KCNH5: variants seen among roughly 807,000 people sequenced by gnomAD.
KCNH5 encodes the protein potassium voltage-gated channel subfamily H member 5.
Under a neutral mutation model 96.1 loss-of-function variants are expected in KCNH5, and 46 were observed. That is an observed-to-expected ratio of 0.48 (90% confidence interval 0.38 to 0.61). KCNH5 has a LOEUF of 0.61. KCNH5 is among the 20% of genes least tolerant of loss of function. The pLI is 0.00. For synonymous variants in KCNH5, 439 were observed against 449.8 expected (o/e 0.98, Z 0.30); for missense variants, 907 against 1,225.8 (o/e 0.74, Z 3.88).
At chr14:62,902,778 G>T (rs1888953781) in intron 7 of KCNH5, among the ~76,000 whole-genome samples, 1 of 151,320 alleles carries the variant, frequency 6.6e-6, no homozygotes, top group Non-Finnish European at 1.5e-5. Flanking sequence ...GGAGTGCAAT[G>T]GCACGATCTC....
chr14:62,998,272 C>T (rs1263245778), intron 4 of KCNH5, among the ~76,000 whole-genome samples: 3 of 152,112 alleles, frequency 2.0e-5, no homozygotes, highest in Admixed American at 1.3e-4. Flanking sequence ...TAGAGTTGTT[C>T]GCAGTAGCCC....
At chr14:62,906,541 A>G (rs991638840) in intron 7 of KCNH5, among the ~76,000 whole-genome samples, 17 of 152,216 alleles carry the variant, frequency 1.1e-4, no homozygotes, top group African/African-American at 3.1e-4. Context: ...TTCCTTTAAA[A>G]AAAAGGTCAG....
At position 62,775,317 on chromosome 14, in the gene KCNH5, C is replaced by T. The variant is rs149544954; in HGVS notation, c.2019+4411G>A. Among the ~76,000 whole-genome samples, 78 of 152,272 alleles carry T rather than the reference C, an allele frequency of 5.1e-4. 1 individual carries two copies. Among genetic ancestry groups the T allele is most frequent in the African/African-American group, 1.8e-3 (74 of 41,568 alleles). On this transcript the variant is annotated intron_variant, in intron 10 of 10. Coordinates refer to ENST00000322893, the MANE Select transcript of KCNH5 (RefSeq NM_139318.5). ...AGACCAGGAGTTCATTAACTGATTC[C>T]ATTTAGATCATGAGCTGTTGAACCA...
At chr14:62,897,980 T>G (rs1426780069) in intron 7 of KCNH5, among the ~76,000 whole-genome samples, 1 of 152,180 alleles carries the variant, frequency 6.6e-6, no homozygotes, top group East Asian at 1.9e-4. Context: ...TCTCATTTAA[T>G]GAAACTCATG....
intron 7 of KCNH5, among the ~76,000 whole-genome samples, chr14:62,863,978 A>T (rs1888085897): frequency 6.6e-6 from 1 of 152,130 alleles, no homozygotes; most frequent in Non-Finnish European, 1.5e-5. Context: ...TTACATCCCA[A>T]AGTATGGTCT....
chr14:62,844,509 T>G (rs1349088039), intron 8 of KCNH5, among the ~76,000 whole-genome samples: 15 of 152,192 alleles, frequency 9.9e-5, no homozygotes. Flanking sequence ...CATAATCTCC[T>G]CTTCCCCTTT....
chr14:62,977,755 G>A (rs1890528776), intron 6 of KCNH5, among the ~76,000 whole-genome samples: 1 of 152,220 alleles, frequency 6.6e-6, no homozygotes, highest in South Asian at 2.1e-4. Context: ...GATCAATTGA[G>A]GTCCTGTAAG....
Position 62,701,457 on chromosome 14 carries a change from G to T in KCNH5, c.*6051C>A, listed in dbSNP as rs1042772404. 1.1e-4 allele frequency: 17 copies of T among 152,126 alleles called. No homozygotes were observed. Among genetic ancestry groups the T allele is most frequent in the African/African-American group, 4.1e-4 (17 of 41,418 alleles). 9.4% of individuals were successfully genotyped at this position (152,126 alleles called of 1,614,324 possible). ...TTGGTTTACTCTTCTTTGACCAAGT[G>T]CCTTTACAAGTAGTACAAGACATGA... On this transcript the variant is annotated 3_prime_UTR_variant, in exon 11 of 11. Coordinates refer to ENST00000322893, the MANE Select transcript of KCNH5 (RefSeq NM_139318.5).
intron 7 of KCNH5, among the ~76,000 whole-genome samples, chr14:62,856,315 T>G (rs1285901682): frequency 6.6e-6 from 1 of 152,200 alleles, no homozygotes; most frequent in Admixed American, 6.5e-5. Flanking sequence ...AGATATTATA[T>G]TTTGTGCCCC....
chr14:62,935,061 T>G (rs576404373), intron 7 of KCNH5, among the ~76,000 whole-genome samples: 1 of 152,230 alleles, frequency 6.6e-6, no homozygotes, highest in East Asian at 1.9e-4. Context: ...TCAAGCGTAC[T>G]ATGAAAGGTG....
At chr14:62,993,299 G>GT (rs530502585) in intron 4 of KCNH5, among the ~76,000 whole-genome samples, 1 of 151,806 alleles carries the variant, frequency 6.6e-6, no homozygotes, top group African/African-American at 2.4e-5. Flanking sequence ...GCTATTTGGG[G>GT]TTTTTTTAGT....
intron 8 of KCNH5, among the ~76,000 whole-genome samples, chr14:62,825,407 A>T (rs1448900662): frequency 1.3e-5 from 2 of 150,314 alleles, no homozygotes; most frequent in Non-Finnish European, 3.0e-5. Flanking sequence ...TTTTTTTCAT[A>T]TTTTTTTTTG....
chr14:62,781,150 A>C (rs567381395), intron 9 of KCNH5, among the ~76,000 whole-genome samples: 52 of 152,288 alleles, frequency 3.4e-4, no homozygotes, highest in Non-Finnish European at 6.3e-4. Context: ...CGTCCAGGGG[A>C]GACATCACAT....
At chr14:62,733,942 C>T (rs1399462594) in intron 10 of KCNH5, among the ~76,000 whole-genome samples, 3 of 152,122 alleles carry the variant, frequency 2.0e-5, no homozygotes, top group Admixed American at 1.3e-4. Flanking sequence ...ATTTAACATA[C>T]CCAACATGGT....
At chr14:62,896,501 C>T (rs977140645) in intron 7 of KCNH5, among the ~76,000 whole-genome samples, 2 of 152,052 alleles carry the variant, frequency 1.3e-5, no homozygotes, top group Non-Finnish European at 2.9e-5. Context: ...TGAGGAGTAT[C>T]CTTAAAGGAA....
chr14:62,827,118 A>G (rs1887242888), intron 8 of KCNH5, among the ~76,000 whole-genome samples: 1 of 152,226 alleles, frequency 6.6e-6, no homozygotes, highest in South Asian at 2.1e-4. Flanking sequence ...CAACTAAAAC[A>G]TAAAAAGTTG....
At chr14:63,017,046 G>T in intron 1 of KCNH5, 92 bp from the exon 2 acceptor site, 1 of 1,208,776 alleles carries the variant, frequency 8.3e-7, no homozygotes, top group Non-Finnish European at 1.2e-6. Context: ...TATAAAGATG[G>T]ACACATACAA....
intron 4 of KCNH5, 85 bp downstream of exon 4, chr14:63,001,246 C>A: frequency 7.9e-7 from 1 of 1,260,950 alleles, no homozygotes; most frequent in Non-Finnish European, 1.1e-6. Context: ...TTTTGTTTTC[C>A]AGTTCAATCA....
Position 62,875,203 on chromosome 14 carries a change from A to G in KCNH5, c.1370-25351T>C, listed in dbSNP as rs1193202269. On this transcript the variant is annotated intron_variant, in intron 7 of 10. Coordinates refer to ENST00000322893, the MANE Select transcript of KCNH5 (RefSeq NM_139318.5). Reference sequence around the variant, plus strand: ...AAGGAAATAAAAGAGGATACAAACAAATGGAAGAACATTCCATGCTCATGG... The same window carrying G: ...AAGGAAATAAAAGAGGATACAAACAGATGGAAGAACATTCCATGCTCATGG... Among the ~76,000 whole-genome samples the G allele has an allele frequency of 4.6e-4, 69 of 150,562 alleles. 2 individuals are homozygous for G. In the East Asian group the frequency reaches 0.012, roughly 25 times the overall value.
Sources: allele counts gnomAD v4.1 joint callset (sites outside exome capture counted in the v4.1 genomes callset), GRCh38; gene constraint gnomAD v4.1.1; transcripts MANE v1.5; gene names NCBI Gene and HGNC (gene_info 2026-07-23, HGNC 2026-07-21).